Variants in MBD5 observed in about 807,000 individuals in gnomAD.
MBD5 encodes methyl-CpG-binding domain protein 5.
In MBD5, 13 loss-of-function variants were observed where a neutral mutation model predicts 117.3. The ratio of observed to expected loss-of-function variants is 0.11; its 90% confidence interval spans 0.07 to 0.18. The LOEUF (loss-of-function observed/expected upper bound fraction) is 0.18. Among genes scored for constraint, MBD5 ranks in the 10% least tolerant of loss-of-function variants. The pLI is 1.00. For missense variants in MBD5, 1,879 were observed against 2,093.8 expected (o/e 0.90, Z 2.00); for synonymous variants, 727 against 766.4 (o/e 0.95, Z 0.85).
intron 3 of MBD5, among the ~76,000 whole-genome samples, chr2:148,329,547 C>T (rs972503011): frequency 1.2e-4 from 18 of 152,044 alleles, no homozygotes; most frequent in African/African-American, 3.9e-4. Context: ...GTAAAATTCA[C>T]TTATAAGTAA....
At chr2:148,083,788 C>T (rs1007333373) in intron 1 of MBD5, among the ~76,000 whole-genome samples, 2 of 151,910 alleles carry the variant, frequency 1.3e-5, no homozygotes, top group South Asian at 2.1e-4. Flanking sequence ...CCACCACGCC[C>T]GACTGATTTT....
chr2:148,257,220 A>G (rs1423951321), intron 3 of MBD5, among the ~76,000 whole-genome samples: 2 of 152,224 alleles, frequency 1.3e-5, no homozygotes, highest in African/African-American at 4.8e-5. Flanking sequence ...CATCCAGCTC[A>G]AATAGGCGCC....
intron 11 of MBD5, among the ~76,000 whole-genome samples, chr2:148,501,671 C>T (rs1192100664): frequency 6.6e-6 from 1 of 152,162 alleles, no homozygotes; most frequent in African/African-American, 2.4e-5. Context: ...ACCCTCCACA[C>T]ACACACATAT....
chr2:148,359,635 A>G (rs1703478867), intron 4 of MBD5, among the ~76,000 whole-genome samples: 1 of 152,166 alleles, frequency 6.6e-6, no homozygotes, highest in Non-Finnish European at 1.5e-5. Flanking sequence ...TGTAAGCTTT[A>G]GTGCCATTAA....
intron 2 of MBD5, among the ~76,000 whole-genome samples, chr2:148,188,834 C>T (rs2105894360): frequency 6.6e-6 from 1 of 152,110 alleles, no homozygotes; most frequent in East Asian, 1.9e-4. Context: ...TCTGTATTTC[C>T]ATCTGAGGTA....
chr2:148,277,368 G>A (rs1272114029), intron 3 of MBD5, among the ~76,000 whole-genome samples: 2 of 151,954 alleles, frequency 1.3e-5, no homozygotes, highest in Non-Finnish European at 1.5e-5. Flanking sequence ...TTTTACCAGA[G>A]AAAACACAAA....
At chr2:148,324,762 C>G (rs1702394901) in intron 3 of MBD5, among the ~76,000 whole-genome samples, 1 of 152,156 alleles carries the variant, frequency 6.6e-6, no homozygotes, top group South Asian at 2.1e-4. Flanking sequence ...TCTAGATATA[C>G]AATCATGTCA....
chr2:148,147,483 C>A (rs1033186186), intron 1 of MBD5, among the ~76,000 whole-genome samples: 2 of 151,872 alleles, frequency 1.3e-5, no homozygotes, highest in African/African-American at 2.4e-5. Flanking sequence ...CTCAAGTGAT[C>A]CCCACCTCAG....
At chr2:148,424,177 CAAAAAAAAAAAAAAAAAAAAAAAAA>C (rs56740583) in intron 4 of MBD5, among the ~76,000 whole-genome samples, 37 of 53,458 alleles carry the variant, frequency 6.9e-4, no homozygotes, top group East Asian at 1.3e-3. Context: ...GACTCTGTCT[CAAAAAAAAAAAAAAAAAAAAAAAAA>C]AAAAAAAAAA....
intron 1 of MBD5, among the ~76,000 whole-genome samples, chr2:148,117,952 C>A (rs1218625461): frequency 6.6e-6 from 1 of 152,114 alleles, no homozygotes; most frequent in Non-Finnish European, 1.5e-5. Context: ...AGTTTTTGAT[C>A]TGCTCCAGCA....
chr2:148,390,412 C>T (rs945494003), intron 4 of MBD5, among the ~76,000 whole-genome samples: 1 of 150,712 alleles, frequency 6.6e-6, no homozygotes, highest in African/African-American at 2.4e-5. Flanking sequence ...TTTGAATTTT[C>T]AGTCTATAAT....
intron 2 of MBD5, among the ~76,000 whole-genome samples, chr2:148,194,625 G>A (rs978079170): frequency 2.8e-5 from 3 of 107,708 alleles, no homozygotes; most frequent in Admixed American, 2.1e-4. Context: ...TCGGGGGAGG[G>A]GGGAGGGATA....
intron 4 of MBD5, among the ~76,000 whole-genome samples, chr2:148,427,873 C>T (rs1705854423): frequency 6.6e-6 from 1 of 151,930 alleles, no homozygotes; most frequent in Non-Finnish European, 1.5e-5. Flanking sequence ...GTATGACAAA[C>T]TCACAGCCAA....
intron 4 of MBD5, among the ~76,000 whole-genome samples, chr2:148,436,210 C>T (rs1706153269): frequency 6.6e-6 from 1 of 152,172 alleles, no homozygotes; most frequent in Non-Finnish European, 1.5e-5. Context: ...TGTAATATTT[C>T]TTGATACTCC....
At chr2:148,242,468 G>A (rs181144245) in intron 3 of MBD5, among the ~76,000 whole-genome samples, 1 of 152,098 alleles carries the variant, frequency 6.6e-6, no homozygotes, top group Admixed American at 6.6e-5. Flanking sequence ...GGGCATTACT[G>A]CATGGCCAGT....
chr2:148,364,490 A>G (rs996451303), intron 4 of MBD5, among the ~76,000 whole-genome samples: 2 of 152,224 alleles, frequency 1.3e-5, no homozygotes, highest in African/African-American at 4.8e-5. Flanking sequence ...ATTCACACAT[A>G]ACAGTATTAA....
At chr2:148,478,967 T>C (rs1681057954) in intron 8 of MBD5, among the ~76,000 whole-genome samples, 1 of 152,194 alleles carries the variant, frequency 6.6e-6, no homozygotes, top group Admixed American at 6.5e-5. Flanking sequence ...AAAAAACAGC[T>C]TTAACAAAAC....
intron 1 of MBD5, among the ~76,000 whole-genome samples, chr2:148,154,306 T>C (rs36144730): frequency 8.6e-5 from 13 of 151,962 alleles, no homozygotes; most frequent in East Asian, 1.9e-4. Context: ...TCTCCAGCTG[T>C]GTGCTGGGAG....
At chr2:148,324,944 C>A (rs1292397566) in intron 3 of MBD5, among the ~76,000 whole-genome samples, 2 of 152,104 alleles carry the variant, frequency 1.3e-5, no homozygotes, top group African/African-American at 4.8e-5. Flanking sequence ...CAGTTTTTGC[C>A]CATTCAGTAT....
Sources: gnomAD v4.1 joint callset for allele counts (sites outside exome capture counted in the v4.1 genomes callset) on GRCh38, gnomAD v4.1.1 for gene constraint, MANE v1.5 for transcripts, NCBI Gene and HGNC (gene_info 2026-07-23, HGNC 2026-07-21) for gene names.